Variants in USP24 observed in about 807,000 individuals in gnomAD.
USP24 encodes the protein ubiquitin specific peptidase 24, also known as ubiquitin carboxyl-terminal hydrolase 24.
In USP24, 97 loss-of-function variants were observed where a neutral mutation model predicts 361.6. The ratio of observed to expected loss-of-function variants is 0.27; its 90% CI spans 0.23 to 0.32. USP24 has a LOEUF of 0.32. Ranked by LOEUF, USP24 falls within the 10% of genes least tolerant of loss-of-function variation. USP24 has a pLI of 1.00. For missense variants in USP24, 2,353 were observed against 3,165.6 expected, an observed-to-expected ratio of 0.74 and a Z score of 6.16; for synonymous variants, 1,098 against 1,124.6, an observed-to-expected ratio of 0.98 and a Z score of 0.47.
intron 5 of USP24, among the ~76,000 whole-genome samples, chr1:55,169,142 A>G (rs746887032): frequency 2.8e-4 from 43 of 152,276 alleles, no homozygotes; most frequent in Non-Finnish European, 5.3e-4. Flanking sequence ...AAAAAACAAA[A>G]TTTATATAAA....
intron 35 of USP24, among the ~76,000 whole-genome samples, chr1:55,123,964 C>T (rs1006758060): frequency 3.3e-5 from 5 of 152,184 alleles, no homozygotes; most frequent in African/African-American, 1.2e-4. Flanking sequence ...AAATCTCATA[C>T]ACTTTACTGT....
intron 30 of USP24, 94 bp from the exon 31 acceptor site, chr1:55,132,794 T>G (rs1312171751): frequency 7.8e-7 from 1 of 1,278,228 alleles, no homozygotes; most frequent in Non-Finnish European, 1.1e-6. Context: ...TCTTTCCCTC[T>G]TTAATATAAG....
intron 2 of USP24, 105 bp downstream of exon 2, chr1:55,177,862 T>C (rs942553815): frequency 1.2e-4 from 126 of 1,072,406 alleles, no homozygotes; most frequent in Non-Finnish European, 1.5e-4. Context: ...AGAGAATAAA[T>C]GATCTGTCCA....
intron 67 of USP24, 131 bp from the exon 68 acceptor site, chr1:55,069,238 T>C: frequency 1.3e-6 from 1 of 794,208 alleles, no homozygotes; most frequent in South Asian, 1.6e-5. Context: ...GGTAATAAAA[T>C]GTGATAACTA....
At chr1:55,109,738 T>C (rs626575) in intron 39 of USP24, among the ~76,000 whole-genome samples, 152,117 of 152,312 alleles carry the variant, frequency 1, 75,961 homozygotes, top group Middle Eastern at 1. Flanking sequence ...TAAGTACAGA[T>C]GATTAAAATC....
At chr1:55,204,823 C>T (rs1030169576) in intron 1 of USP24, among the ~76,000 whole-genome samples, 4 of 152,204 alleles carry the variant, frequency 2.6e-5, no homozygotes, top group South Asian at 2.1e-4. Flanking sequence ...TGGGTCATGG[C>T]TGTTTTGCTG....
intron 1 of USP24, among the ~76,000 whole-genome samples, chr1:55,182,966 G>A (rs375609855): frequency 5.3e-5 from 8 of 151,926 alleles, no homozygotes; most frequent in African/African-American, 1.9e-4. Flanking sequence ...TGATCTGCCC[G>A]CCTGGGCCTC....
chr1:55,154,511 G>A, intron 13 of USP24, 45 bp from the exon 14 acceptor site: 1 of 1,529,174 alleles, frequency 6.5e-7, no homozygotes, highest in Non-Finnish European at 8.8e-7. Flanking sequence ...GATCAAACTG[G>A]CAAAATATGC....
rs76158393 is a variant in USP24, at chr1:55,108,398, G to A, written c.4571-968C>T. 4.4e-3 allele frequency among the ~76,000 whole-genome samples: 675 copies of A among 152,248 alleles called. 2 individuals carry two copies. Among genetic ancestry groups the A allele is most frequent in the African/African-American group, 0.016 (652 of 41,546 alleles). ...TGAGAAGCAAGCAGGGTCTCCACAC[G>A]GTGAAGTGAAGAAGGACCCTTTAGG... is the stretch of plus-strand genomic sequence containing the variant. On this transcript the variant is annotated intron_variant, in intron 39 of 67. Coordinates refer to ENST00000294383, the MANE Select transcript of USP24 (RefSeq NM_015306.3).
intron 11 of USP24, 74 bp downstream of exon 11, chr1:55,157,182 T>C: frequency 7.3e-7 from 1 of 1,366,834 alleles, no homozygotes; most frequent in Non-Finnish European, 1.0e-6. Context: ...GCAACAATTT[T>C]GTATACTTTT....
In USP24 at chr1:55,067,944, ATCT is replaced by A. The variant is rs1644850863; in HGVS notation, c.*1098_*1100del. ...TTTATATTTATTTCTGGGAAAATAA[ATCT>A]TAAACCTTGACTGACTTTTCAGTGT... On this transcript the variant is annotated 3_prime_UTR_variant, in exon 68 of 68. Coordinates refer to ENST00000294383, the MANE Select transcript of USP24 (RefSeq NM_015306.3). The A allele has an allele frequency of 1.3e-5, 2 of 152,246 alleles. No homozygotes were observed. The highest frequency in any genetic ancestry group is 4.8e-5 in the African/African-American group (2 of 41,470). 9.4% of individuals were successfully genotyped at this position (152,246 alleles called of 1,614,324 possible).
intron 8 of USP24, 56 bp downstream of exon 8, chr1:55,162,143 A>G: frequency 6.7e-7 from 1 of 1,494,864 alleles, no homozygotes; most frequent in Non-Finnish European, 9.0e-7. Context: ...AAAAGAAGTT[A>G]TTACTGTTTG....
At chr1:55,120,553 C>T in intron 38 of USP24, 43 bp downstream of exon 38, 1 of 1,491,518 alleles carries the variant, frequency 6.7e-7, no homozygotes, top group Non-Finnish European at 8.9e-7. Context: ...TATCATTTAT[C>T]CTCTCTCTGT....
At chr1:55,108,587 C>A (rs567419334) in intron 39 of USP24, among the ~76,000 whole-genome samples, 47 of 152,192 alleles carry the variant, frequency 3.1e-4, no homozygotes, top group Non-Finnish European at 6.3e-4. Flanking sequence ...CCAGAATTGG[C>A]AAATATTGTT....
chr1:55,106,250 A>C lies in USP24; in HGVS notation c.4776T>G (p.Ile1592Met). 2 of 1,608,718 alleles carry C rather than the reference A, an allele frequency of 1.2e-6. No individual in the cohort carries two copies. The highest frequency in any genetic ancestry group is 1.7e-6 in the Non-Finnish European group (2 of 1,175,104). Residue 1592 changes from isoleucine (I) to methionine (M), a missense_variant, in exon 41 of 68, where the codon ATT becomes ATG. By Grantham distance (10) the Ile-to-Met change is conservative. This residue lies in a region of USP24 where 949 missense variants were observed against 1,280.5 expected (regional missense o/e 0.74). Coordinates refer to ENST00000294383, the MANE Select transcript of USP24 (RefSeq NM_015306.3). ...AEKEMLGSSL[I>M]KPLLDDFLFR... ...AAAGGAAGTCATCTAACAATGGTTT[A>C]ATGAGTGATGAACCTGGAATAGAGC... is the stretch of plus-strand genomic sequence containing the variant.
chr1:55,083,667 C>A (rs1645195007), intron 57 of USP24, 105 bp downstream of exon 57: 3 of 865,684 alleles, frequency 3.5e-6, no homozygotes, highest in Non-Finnish European at 5.3e-6. Flanking sequence ...TAGGAAGAAA[C>A]ATCATAAAAA....
In USP24 at chr1:55,154,447, T is replaced by A; in HGVS notation, c.1574A>T (p.Asp525Val). 6 of 1,551,444 alleles carry A rather than the reference T, an allele frequency of 3.9e-6. No individual in the cohort carries two copies. The highest frequency in any genetic ancestry group is 5.2e-6 in the Non-Finnish European group (6 of 1,146,814). The stretch of plus-strand genomic sequence containing the variant: ...GCTCAAAAGCTTCTGTCTTACTCTA[T>A]CACTCTCAGTCTCCCAGCTCTGTAG... ...LIQKSWETESDRVRQKLLSLI... is the reference protein window; with the variant it reads ...LIQKSWETESVRVRQKLLSLI... Residue 525 changes from aspartate (D) to valine (V), a missense_variant, in exon 14 of 68, where the codon GAT (aspartate) becomes GTT (valine). Asp to Val is a radical substitution (Grantham distance 152). Transcript: ENST00000294383.
chr1:55,148,335 GATGAT>G, intron 17 of USP24, 123 bp downstream of exon 17: 3 of 584,498 alleles, frequency 5.1e-6, no homozygotes, highest in Non-Finnish European at 5.6e-6. Context: ...AAGATTATTA[GATGAT>G]ATAAGTGAAT....
rs939006356 is a variant in USP24 at position 55,139,096 on chromosome 1, A to G, written c.2751-86T>C. 29 of 1,232,354 alleles carry G rather than the reference A, an allele frequency of 2.4e-5. No individual in the cohort carries two copies. The East Asian group carries it at 3.6e-4, about 15-fold the overall frequency. 76.3% of individuals were successfully genotyped at this position (1,232,354 alleles called of 1,614,324 possible). On this transcript the variant is annotated intron_variant, in intron 24 of 67. Transcript: ENST00000294383. The stretch of plus-strand genomic sequence containing the variant: ...TCTAGTCTGTTTCACCAAAACCACA[A>G]TAACAGTTAGCACTCACTGGTCAAA...
Sources: allele counts gnomAD v4.1 joint callset (sites outside exome capture counted in the v4.1 genomes callset), GRCh38; gene constraint gnomAD v4.1.1; regional missense constraint gnomAD v4.1.1; transcripts MANE v1.5; gene names NCBI Gene and HGNC (gene_info 2026-07-23, HGNC 2026-07-21).